The following PLCG2 variants were observed in gnomAD, a reference collection of about 807,000 sequenced individuals.
The protein encoded by PLCG2 is 1-phosphatidylinositol 4,5-bisphosphate phosphodiesterase gamma-2.
PLCG2 carries 69 observed loss-of-function variants against 175.6 expected under a neutral mutation model. The ratio of observed to expected loss-of-function variants is 0.39; its 90% CI spans 0.32 to 0.48. The LOEUF is 0.48. Ranked by LOEUF, PLCG2 falls within the 20% of genes least tolerant of loss-of-function variation. The pLI, the probability that PLCG2 is intolerant of heterozygous loss-of-function variation, is 0.91. For synonymous variants in PLCG2, 827 were observed against 624.0 expected (o/e 1.33, Z -4.85); for missense variants, 1,798 against 1,650.9 (o/e 1.09, Z -1.54).
chr16:81,825,145 T>A (rs61635216), intron 2 of PLCG2, among the ~76,000 whole-genome samples: 1 of 152,166 alleles, frequency 6.6e-6, no homozygotes, highest in African/African-American at 2.4e-5. Context: ...ACCTGCATAA[T>A]TGCAAGATGG....
intron 31 of PLCG2, among the ~76,000 whole-genome samples, chr16:81,948,871 G>A (rs1370818545): frequency 6.6e-6 from 1 of 152,156 alleles, no homozygotes; most frequent in Admixed American, 6.5e-5. Flanking sequence ...GACAGACTAA[G>A]GTACACACCT....
At chr16:81,917,100 C>G (rs567858570) in intron 19 of PLCG2, among the ~76,000 whole-genome samples, 1 of 152,304 alleles carries the variant, frequency 6.6e-6, no homozygotes, top group Admixed American at 6.5e-5. Context: ...TCTCCACTTC[C>G]GTGAGTTTAA....
chr16:81,857,632 GTCTC>G (rs1567501391), intron 3 of PLCG2, among the ~76,000 whole-genome samples: 1 of 139,452 alleles, frequency 7.2e-6, no homozygotes, highest in South Asian at 2.3e-4. Flanking sequence ...GGGAGCTCTA[GTCTC>G]TCTTTCTCTT....
chr16:81,906,100 A>G (rs1909358524), intron 15 of PLCG2: 1 of 152,206 alleles, frequency 6.6e-6, no homozygotes, highest in Non-Finnish European at 1.5e-5. Flanking sequence ...CATCCTACAT[A>G]ACCATAGTAT....
intron 3 of PLCG2, among the ~76,000 whole-genome samples, chr16:81,856,450 T>G (rs1906685209): frequency 6.6e-6 from 1 of 152,152 alleles, no homozygotes; most frequent in African/African-American, 2.4e-5. Flanking sequence ...ATGCCGCTTA[T>G]TAACAAGGGT....
intron 2 of PLCG2, among the ~76,000 whole-genome samples, chr16:81,806,916 C>T (rs1052940370): frequency 2.0e-5 from 3 of 151,942 alleles, no homozygotes; most frequent in African/African-American, 7.3e-5. Flanking sequence ...GGTCACATGA[C>T]CCAGGGCTGT....
intron 2 of PLCG2, among the ~76,000 whole-genome samples, chr16:81,818,944 C>CA (rs1904675227): frequency 3.1e-5 from 4 of 127,296 alleles, no homozygotes; most frequent in Non-Finnish European, 6.4e-5. Flanking sequence ...AAAATAAATA[C>CA]AGCTTTTTAG....
chr16:81,826,460 G>A (rs1176495555), intron 2 of PLCG2, among the ~76,000 whole-genome samples: 7 of 152,220 alleles, frequency 4.6e-5, no homozygotes, highest in African/African-American at 1.2e-4. Flanking sequence ...GCTCGACCTC[G>A]TGTGCCTCAG....
intron 1 of PLCG2, among the ~76,000 whole-genome samples, chr16:81,749,587 C>T (rs1909766962): frequency 6.6e-6 from 1 of 152,192 alleles, no homozygotes; most frequent in South Asian, 2.1e-4. Context: ...CTCCTGACCT[C>T]AAGTGATCCA....
At chr16:81,840,202 C>A (rs1192116420) in intron 2 of PLCG2, among the ~76,000 whole-genome samples, 1 of 152,170 alleles carries the variant, frequency 6.6e-6, no homozygotes, top group African/African-American at 2.4e-5. Flanking sequence ...GATGAGATGG[C>A]TGCCTGGAGA....
At chr16:81,937,989 A>C in intron 28 of PLCG2, 86 bp downstream of exon 28, 3 of 1,257,558 alleles carry the variant, frequency 2.4e-6, no homozygotes, top group African/African-American at 1.5e-5. Flanking sequence ...CAGGGAACCC[A>C]TGTCTAGGGA....
intron 12 of PLCG2, 135 bp from the exon 13 acceptor site, chr16:81,895,672 C>T (rs1908850959): frequency 2.2e-6 from 2 of 900,046 alleles, no homozygotes; most frequent in African/African-American, 1.6e-5. Flanking sequence ...AAAGCCATGT[C>T]CTCGTGTTGG....
intron 1 of PLCG2, among the ~76,000 whole-genome samples, chr16:81,783,600 T>C (rs1286918057): frequency 6.6e-6 from 1 of 152,210 alleles, no homozygotes; most frequent in Non-Finnish European, 1.5e-5. Flanking sequence ...GATCAAGTAA[T>C]GTGACCTCTT....
intron 2 of PLCG2, among the ~76,000 whole-genome samples, chr16:81,836,124 C>A (rs186071307): frequency 6.6e-6 from 1 of 152,306 alleles, no homozygotes. Context: ...AAGGACAAGA[C>A]CAGAGTCATT....
chr16:81,776,987 A>G (rs1211190686), upstream of PLCG2, among the ~76,000 whole-genome samples: 2 of 152,248 alleles, frequency 1.3e-5, no homozygotes, highest in Non-Finnish European at 2.9e-5. Context: ...TTGGTTAGCA[A>G]AAAATGAGCC....
chr16:81,760,628 G>A (rs1487502127), intron 2 of PLCG2, among the ~76,000 whole-genome samples: 1 of 151,888 alleles, frequency 6.6e-6, no homozygotes, highest in Non-Finnish European at 1.5e-5. Context: ...ATACTTATAT[G>A]GGCTGAGCAC....
At chr16:81,890,974 C>A (rs559959916) in intron 10 of PLCG2, among the ~76,000 whole-genome samples, 39 of 152,090 alleles carry the variant, frequency 2.6e-4, no homozygotes, top group Non-Finnish European at 4.9e-4. Context: ...ACCAGCCTGG[C>A]CGACATGGTA....
chr16:81,811,171 C>G (rs560771131), intron 2 of PLCG2, among the ~76,000 whole-genome samples: 2 of 152,312 alleles, frequency 1.3e-5, no homozygotes, highest in East Asian at 3.9e-4. Flanking sequence ...CTGGGCTTGC[C>G]TCCTGAGTCT....
At position 81,958,088 on chromosome 16, in the gene PLCG2, G is replaced by A. The variant is rs1911648072; in HGVS notation, c.*90G>A. 1.0e-5 allele frequency: 9 copies of A among 889,366 alleles called. No homozygotes were observed. The highest frequency in any genetic ancestry group is 1.6e-5 in the African/African-American group (1 of 61,346). 55.1% of individuals were successfully genotyped at this position (889,366 alleles called of 1,614,324 possible). On this transcript the variant is annotated 3_prime_UTR_variant, in exon 33 of 33. Transcript: ENST00000564138. ...TGCCCTATTCACACTCTGGGAAGAC[G>A]CTAATCTGTGACATCTTTTCTTCAA... is the stretch of plus-strand genomic sequence containing the variant.
Sources: allele counts gnomAD v4.1 joint callset (sites outside exome capture counted in the v4.1 genomes callset), GRCh38; gene constraint gnomAD v4.1.1; transcripts MANE v1.5; gene names NCBI Gene and HGNC (gene_info 2026-07-23, HGNC 2026-07-21).